The following AR variants were observed in gnomAD, a reference collection of about 807,000 sequenced individuals.
AR encodes androgen receptor, also known as dihydrotestosterone receptor.
Under a neutral mutation model 53.9 loss-of-function variants are expected in AR, and 8 were observed. That is an observed-to-expected ratio of 0.15 (90% confidence interval 0.09 to 0.27). The LOEUF (loss-of-function observed/expected upper bound fraction) is 0.27. Among genes scored for constraint, AR ranks in the 10% least tolerant of loss-of-function variants. AR has a pLI of 1.00. For missense variants in AR, 639 were observed against 742.5 expected (o/e 0.86, Z 1.62); for synonymous variants, 359 against 316.4 (o/e 1.13, Z -1.43).
chrX:67,651,589 G>A (rs1032055704), intron 2 of AR, among the ~76,000 whole-genome samples: 1 of 111,791 alleles, frequency 8.9e-6, no homozygotes, highest in Non-Finnish European at 1.9e-5. Flanking sequence ...TAGAAACCAA[G>A]TACTATGCCT....
At chrX:67,721,370 G>A (rs901496218) in intron 5 of AR, among the ~76,000 whole-genome samples, 1 of 112,159 alleles carries the variant, frequency 8.9e-6, no homozygotes, top group African/African-American at 3.2e-5. Context: ...AAATCTTGAT[G>A]TCCTGATGTT....
At position 67,546,779 on chromosome X, in the gene AR, A is replaced by G. The variant is rs1035859685; in HGVS notation, c.1616+17A>G. 3 of 1,195,923 alleles carry G rather than the reference A, an allele frequency of 2.5e-6. No homozygotes were observed. The highest frequency in any genetic ancestry group is 3.4e-6 in the Non-Finnish European group (3 of 886,248). On this transcript the variant is annotated intron_variant, in intron 1 of 7. Coordinates refer to ENST00000374690, the MANE Select transcript of AR (RefSeq NM_000044.6). ...GGACATGCGGTAAGTTTTTCCTTCC[A>G]GAAATGTCGCCTTTCGGCCCAGGGC... is the stretch of plus-strand genomic sequence containing the variant.
At position 67,545,247 on chromosome X, in the gene AR, T is replaced by A. The variant is rs995307851; in HGVS notation, c.101T>A (p.Ile34Asn). The A allele has an allele frequency of 6.6e-6, 8 of 1,206,276 alleles. No individual in the cohort carries two copies. Among genetic ancestry groups the A allele is most frequent in the Non-Finnish European group, 8.9e-6 (8 of 894,322 alleles). ...CTGTTCCAGAGCGTGCGCGAAGTGA[T>A]CCAGAACCCGGGCCCCAGGCACCCA... ...QNLFQSVREVIQNPGPRHPEA... is the reference protein window; with the variant it reads ...QNLFQSVREVNQNPGPRHPEA... Residue 34 changes from isoleucine to asparagine, a missense_variant, in exon 1 of 8, where the codon ATC becomes AAC. Ile to Asn is a moderately radical substitution (Grantham distance 149). Coordinates refer to ENST00000374690, the MANE Select transcript of AR (RefSeq NM_000044.6).
At chrX:67,707,861 T>A (rs933781772) in intron 3 of AR, among the ~76,000 whole-genome samples, 3 of 111,601 alleles carry the variant, frequency 2.7e-5, no homozygotes, top group Non-Finnish European at 5.6e-5. Context: ...CTCTCAGCAT[T>A]TGCTTGTTTT....
intron 1 of AR, among the ~76,000 whole-genome samples, chrX:67,640,221 G>A (rs1252441482): frequency 9.0e-6 from 1 of 111,306 alleles, no homozygotes; most frequent in Non-Finnish European, 1.9e-5. Context: ...GGGTTTGCCA[G>A]TATTTTTTTA....
chrX:67,711,278 T>A, intron 3 of AR, 124 bp from the exon 4 acceptor site: 1 of 785,414 alleles, frequency 1.3e-6, no homozygotes, highest in Admixed American at 2.7e-5. Flanking sequence ...CCTTAAGGAG[T>A]TTAGAGTCTG....
At chrX:67,631,177 A>G (rs1413780448) in intron 1 of AR, among the ~76,000 whole-genome samples, 1 of 111,080 alleles carries the variant, frequency 9.0e-6, no homozygotes, top group Non-Finnish European at 1.9e-5. Context: ...CTGAATCTGA[A>G]TGTTGGCCTG....
intron 1 of AR, among the ~76,000 whole-genome samples, chrX:67,614,609 A>G (rs1488875025): frequency 9.0e-6 from 1 of 111,371 alleles, no homozygotes; most frequent in Non-Finnish European, 1.9e-5. Context: ...GGGTCAAGTC[A>G]GTATCCAGAG....
At chrX:67,714,948 A>G (rs1481435622) in intron 4 of AR, among the ~76,000 whole-genome samples, 1 of 111,968 alleles carries the variant, frequency 8.9e-6, no homozygotes, top group Non-Finnish European at 1.9e-5. Context: ...AGCAGCTCTC[A>G]TTAAGGACGG....
intron 1 of AR, among the ~76,000 whole-genome samples, chrX:67,610,486 C>T (rs1369886531): frequency 9.0e-6 from 1 of 111,171 alleles, no homozygotes; most frequent in African/African-American, 3.3e-5. Context: ...CTCCCAGTTT[C>T]ACTCCTCAGA....
In AR at chrX:67,545,755, C is replaced by G. The variant is rs776415088; in HGVS notation, c.609C>G (p.Ser203=). 16 of 1,211,686 alleles carry G rather than the reference C, an allele frequency of 1.3e-5. No homozygotes were observed. The highest frequency in any genetic ancestry group is 1.7e-5 in the Non-Finnish European group (15 of 895,296). ...AGCAACAGCAGCAGGAAGCAGTATC[C>G]GAAGGCAGCAGCAGCGGGAGAGCGA... ...LLQQQQQEAV[S]EGSSSGRARE... The change falls in exon 1 of 8, where the codon TCC becomes TCG. Residue 203 remains serine, a synonymous_variant. Transcript: ENST00000374690.
At position 67,723,857 on chromosome X, in the gene AR, A is replaced by G. The variant is rs367622716; in HGVS notation, c.*16A>G. 34 of 1,204,848 alleles carry G rather than the reference A, an allele frequency of 2.8e-5. No individual in the cohort carries two copies. In the African/African-American group the frequency reaches 5.7e-4, roughly 20 times the overall value. The stretch of plus-strand genomic sequence containing the variant: ...CACCCAGTGAAGCATTGGAAACCCT[A>G]TTTCCCCACCCCAGCTCATGCCCCC... On this transcript the variant is annotated 3_prime_UTR_variant, in exon 8 of 8. Transcript: ENST00000374690.
intron 2 of AR, among the ~76,000 whole-genome samples, chrX:67,659,378 C>A (rs1028032721): frequency 9.0e-6 from 1 of 110,682 alleles, no homozygotes; most frequent in Non-Finnish European, 1.9e-5. Context: ...TCCCCTCTCC[C>A]CACCACAGGC....
chrX:67,586,741 T>C (rs1922565104), intron 1 of AR, among the ~76,000 whole-genome samples: 1 of 111,930 alleles, frequency 8.9e-6, no homozygotes, highest in Non-Finnish European at 1.9e-5. Context: ...TATGGAAGTT[T>C]ATAGTTCTTG....
chrX:67,673,185 G>A (rs1292861073), intron 2 of AR, among the ~76,000 whole-genome samples: 1 of 109,765 alleles, frequency 9.1e-6, no homozygotes, highest in Non-Finnish European at 1.9e-5. Context: ...GTTACTTTTA[G>A]GATCCTTTCT....
At chrX:67,662,103 T>C (rs922792988) in intron 2 of AR, among the ~76,000 whole-genome samples, 1 of 111,845 alleles carries the variant, frequency 8.9e-6, no homozygotes, top group African/African-American at 3.3e-5. Flanking sequence ...TTAGTCTTGC[T>C]AGTGGTCTAT....
intron 4 of AR, among the ~76,000 whole-genome samples, chrX:67,714,882 G>A (rs1200203184): frequency 3.6e-5 from 4 of 111,893 alleles, no homozygotes; most frequent in African/African-American, 1.3e-4. Flanking sequence ...TTAGACTCTA[G>A]GGAGGTTAGC....
intron 3 of AR, among the ~76,000 whole-genome samples, chrX:67,701,674 TCACACACACACA>T (rs3070104): frequency 3.1e-5 from 3 of 97,512 alleles, no homozygotes; most frequent in Non-Finnish European, 4.2e-5. Flanking sequence ...TACTAACCAT[TCACACACACACA>T]CACACACACA....
chrX:67,716,097 C>T (rs1310120099), intron 4 of AR, among the ~76,000 whole-genome samples: 2 of 111,622 alleles, frequency 1.8e-5, no homozygotes, highest in African/African-American at 3.3e-5. Flanking sequence ...AATTGAGGGT[C>T]TTTAGGCCAT....
Sources: allele counts gnomAD v4.1 joint callset (sites outside exome capture counted in the v4.1 genomes callset), GRCh38; gene constraint gnomAD v4.1.1; transcripts MANE v1.5; gene names NCBI Gene and HGNC (gene_info 2026-07-23, HGNC 2026-07-21).